The following SAMTOR variants were observed in gnomAD, a reference collection of about 807,000 sequenced individuals.
SAMTOR encodes the protein S-adenosylmethionine sensor upstream of mTORC1.
chr7:112,883,643 T>C, the SAMTOR span, among the ~76,000 whole-genome samples: 1 of 152,200 alleles, frequency 6.6e-6, no homozygotes, highest in African/African-American at 2.4e-5. Flanking sequence ...CATAAAGCAT[T>C]CTTAGGCCAA....
At chr7:112,872,373 T>C in the SAMTOR span, among the ~76,000 whole-genome samples, 1 of 152,058 alleles carries the variant, frequency 6.6e-6, no homozygotes, top group African/African-American at 2.4e-5. Flanking sequence ...AAAAACCATA[T>C]GATCATCTCA....
At chr7:112,876,375 G>A in the SAMTOR span, among the ~76,000 whole-genome samples, 5 of 152,188 alleles carry the variant, frequency 3.3e-5, no homozygotes, top group East Asian at 9.7e-4. Context: ...CTGGAAATAC[G>A]TACAAATTCA....
the SAMTOR span, among the ~76,000 whole-genome samples, chr7:112,846,787 G>A: frequency 1.3e-5 from 2 of 152,102 alleles, no homozygotes; most frequent in Non-Finnish European, 2.9e-5. Flanking sequence ...TTAAAAAATT[G>A]TATCTGTTTT....
At chr7:112,898,199 G>A in the SAMTOR span, among the ~76,000 whole-genome samples, 3 of 152,152 alleles carry the variant, frequency 2.0e-5, no homozygotes, top group Non-Finnish European at 4.4e-5. Context: ...GAATAAAGTG[G>A]CCCTGGGCTC....
chr7:112,933,080 A>T, the SAMTOR span, among the ~76,000 whole-genome samples: 1 of 152,272 alleles, frequency 6.6e-6, no homozygotes, highest in East Asian at 1.9e-4. Flanking sequence ...CCTTAATGCT[A>T]CCCTGAAGAC....
chr7:112,845,128 GA>G, the SAMTOR span, among the ~76,000 whole-genome samples: 1 of 151,978 alleles, frequency 6.6e-6, no homozygotes, highest in Non-Finnish European at 1.5e-5. Flanking sequence ...AACTTAAAAC[GA>G]TAAAAACTTT....
the SAMTOR span, chr7:112,832,693 A>G: frequency 4.3e-5 from 62 of 1,425,742 alleles, no homozygotes; most frequent in South Asian, 5.8e-5. Flanking sequence ...CAGATATTTT[A>G]TAAGAACAAA....
the SAMTOR span, among the ~76,000 whole-genome samples, chr7:112,918,551 A>C: frequency 2.6e-5 from 4 of 152,200 alleles, no homozygotes; most frequent in Non-Finnish European, 4.4e-5. Context: ...AACGAGCAAA[A>C]TAACCAGCTA....
At chr7:112,821,946 T>C in the SAMTOR span, 1 of 1,613,108 alleles carries the variant, frequency 6.2e-7, no homozygotes, top group Non-Finnish European at 8.5e-7. Context: ...TTGAGGAATA[T>C]ATAACATTCC....
chr7:112,829,951 T>G, the SAMTOR span, among the ~76,000 whole-genome samples: 1 of 152,164 alleles, frequency 6.6e-6, no homozygotes, highest in South Asian at 2.1e-4. Context: ...CATATACATG[T>G]GTGCTGATTT....
chr7:112,930,172 G>C, the SAMTOR span, among the ~76,000 whole-genome samples: 1 of 152,048 alleles, frequency 6.6e-6, no homozygotes, highest in African/African-American at 2.4e-5. Flanking sequence ...GGTAAGTAAA[G>C]AAACTCATGA....
the SAMTOR span, chr7:112,822,458 A>G: frequency 2.5e-3 from 2,750 of 1,103,632 alleles, 40 homozygotes; most frequent in African/African-American, 0.037. Context: ...ACCATTTCAC[A>G]TATCATAGTA....
chr7:112,846,619 T>C, the SAMTOR span, among the ~76,000 whole-genome samples: 1 of 152,282 alleles, frequency 6.6e-6, no homozygotes, highest in East Asian at 1.9e-4. Context: ...GAAAAGGCTG[T>C]CAAATAAAAA....
the SAMTOR span, among the ~76,000 whole-genome samples, chr7:112,864,941 A>G: frequency 6.6e-6 from 1 of 152,000 alleles, no homozygotes; most frequent in East Asian, 1.9e-4. Flanking sequence ...TATTGTAGAG[A>G]TGGGGTTTTG....
the SAMTOR span, among the ~76,000 whole-genome samples, chr7:112,829,447 C>T: frequency 1.3e-5 from 2 of 151,970 alleles, no homozygotes; most frequent in Non-Finnish European, 2.9e-5. Context: ...AAGTAATTTT[C>T]CCAAACTGGT....
chr7:112,823,502 C>A, the SAMTOR span, among the ~76,000 whole-genome samples: 32 of 151,942 alleles, frequency 2.1e-4, no homozygotes, highest in African/African-American at 7.5e-4. Flanking sequence ...TAGTTTATTC[C>A]TTTTTAAATT....
the SAMTOR span, chr7:112,821,705 T>C: frequency 6.5e-7 from 1 of 1,534,758 alleles, no homozygotes; most frequent in Middle Eastern, 2.1e-4. Flanking sequence ...AAGCAATTAG[T>C]TTAGGAGCCT....
the SAMTOR span, among the ~76,000 whole-genome samples, chr7:112,846,165 T>G: frequency 2.0e-5 from 3 of 150,168 alleles, no homozygotes; most frequent in African/African-American, 7.4e-5. Context: ...TTTTTTTGCA[T>G]GAGAGAAACA....
At chr7:112,905,127 C>T in the SAMTOR span, among the ~76,000 whole-genome samples, 1 of 152,186 alleles carries the variant, frequency 6.6e-6, no homozygotes, top group Non-Finnish European at 1.5e-5. Context: ...AATTATTCAA[C>T]CTAGCCAATC....
Sources: allele counts gnomAD v4.1 joint callset (sites outside exome capture counted in the v4.1 genomes callset), GRCh38; gene constraint gnomAD v4.1.1; transcripts MANE v1.5; gene names NCBI Gene and HGNC (gene_info 2026-07-23, HGNC 2026-07-21).